Variants in AP3B1 observed in about 807,000 individuals in gnomAD.
AP3B1 encodes the protein AP-3 complex subunit beta-1.
AP3B1 carries 61 observed loss-of-function variants against 132.5 expected under a neutral mutation model. The observed-to-expected ratio is 0.46, with a 90% CI of 0.37 to 0.57. The LOEUF (loss-of-function observed/expected upper bound fraction) is 0.57. Among genes scored for constraint, AP3B1 ranks in the 20% least tolerant of loss-of-function variants. The pLI, the probability that AP3B1 is intolerant of heterozygous loss-of-function variation, is 0.00. For missense variants in AP3B1, 1,120 were observed against 1,289.4 expected (o/e 0.87, Z 2.01); for synonymous variants, 388 against 438.3 (o/e 0.89, Z 1.43).
chr5:78,170,694 C>T (rs1017225336), intron 11 of AP3B1, among the ~76,000 whole-genome samples: 3 of 152,206 alleles, frequency 2.0e-5, no homozygotes, highest in African/African-American at 7.2e-5. Flanking sequence ...CCTGTTCACT[C>T]TGAAGGAAGT....
chr5:78,172,184 A>G (rs1743947216), intron 11 of AP3B1, among the ~76,000 whole-genome samples: 1 of 152,190 alleles, frequency 6.6e-6, no homozygotes, highest in African/African-American at 2.4e-5. Context: ...CATCAAGGAT[A>G]CTGGTCTAAA....
intron 11 of AP3B1, among the ~76,000 whole-genome samples, chr5:78,174,253 G>A (rs1744049884): frequency 6.6e-6 from 1 of 152,186 alleles, no homozygotes; most frequent in African/African-American, 2.4e-5. Flanking sequence ...ATCCTTTGTA[G>A]GAGAAGAGGT....
At position 78,154,477 on chromosome 5, in the gene AP3B1, T is replaced by C. The variant is rs570195214; in HGVS notation, c.1473+1781A>G. Among the ~76,000 whole-genome samples the C allele has an allele frequency of 3.3e-5, 5 of 152,326 alleles. No homozygotes were observed. In the South Asian group the frequency reaches 1.0e-3, roughly 32 times the overall value. On this transcript the variant is annotated intron_variant, in intron 14 of 26. Coordinates refer to ENST00000255194, the MANE Select transcript of AP3B1 (RefSeq NM_003664.5). ...GTTCTATAACCTTCTTGTACTTCAA[T>C]GCTGACATCTTTCTCTAGGTTTGGG... is the stretch of plus-strand genomic sequence containing the variant.
Position 78,247,320 on chromosome 5 carries a change from G to C in AP3B1, c.205-6384C>G, listed in dbSNP as rs139813725. On this transcript the variant is annotated intron_variant, in intron 2 of 26. Transcript: ENST00000255194. ...ATAATATAGATAATAATAATAAAAA[G>C]AATGTATATTTCGCTACTGTTGAGT... is the stretch of plus-strand genomic sequence containing the variant. 3.3e-3 allele frequency among the ~76,000 whole-genome samples: 488 copies of C among 148,998 alleles called. 2 individuals are homozygous for C. The highest frequency in any genetic ancestry group is 0.011 in the African/African-American group (459 of 40,996).
At chr5:78,215,220 T>A (rs1471301622) in intron 7 of AP3B1, among the ~76,000 whole-genome samples, 1 of 151,882 alleles carries the variant, frequency 6.6e-6, no homozygotes, top group African/African-American at 2.4e-5. Context: ...TTTTTTTTTT[T>A]ACACAAATTG....
rs1746230747 is a variant in AP3B1 at position 78,002,592 on chromosome 5, T to C, written c.*310A>G. 5.2e-6 allele frequency: 3 copies of C among 573,962 alleles called. No individual in the cohort carries two copies. In the Admixed American group the frequency reaches 9.6e-5, roughly 18 times the overall value. 35.6% of individuals were successfully genotyped at this position (573,962 alleles called of 1,614,324 possible). On this transcript the variant is annotated 3_prime_UTR_variant, in exon 27 of 27. Transcript: ENST00000255194. The stretch of plus-strand genomic sequence containing the variant: ...TTAAATATCTCATTCATGTCTACCA[T>C]TGTCGAAAAAGAGAAGGAAAACGAG...
intron 22 of AP3B1, among the ~76,000 whole-genome samples, chr5:78,070,733 A>AC (rs1401000309): frequency 6.6e-6 from 1 of 151,880 alleles, no homozygotes; most frequent in East Asian, 1.9e-4. Context: ...AAAAAAAAAA[A>AC]CATTAAAAAG....
intron 21 of AP3B1, among the ~76,000 whole-genome samples, chr5:78,096,511 A>C (rs1238925036): frequency 3.2e-5 from 4 of 124,646 alleles, no homozygotes; most frequent in Admixed American, 8.3e-5. Context: ...CTGGCTGCCC[A>C]GTCTGGAAAG....
At chr5:78,184,503 G>A (rs1470128787) in intron 7 of AP3B1, among the ~76,000 whole-genome samples, 2 of 151,738 alleles carry the variant, frequency 1.3e-5, no homozygotes, top group Non-Finnish European at 1.5e-5. Flanking sequence ...TGGCTAACAC[G>A]GTGAAACCCC....
At chr5:78,031,464 C>T (rs2112086426) in intron 24 of AP3B1, among the ~76,000 whole-genome samples, 1 of 152,322 alleles carries the variant, frequency 6.6e-6, no homozygotes, top group South Asian at 2.1e-4. Context: ...CAAACTCAAA[C>T]CCTGCTCTGT....
At chr5:78,067,407 C>T (rs560315556) in intron 22 of AP3B1, among the ~76,000 whole-genome samples, 46 of 152,244 alleles carry the variant, frequency 3.0e-4, no homozygotes, top group East Asian at 1.9e-4. Context: ...AACTCAGCTC[C>T]GGATCAAGTG....
Position 78,156,400 on chromosome 5 carries a change from T to G in AP3B1, c.1364-33A>C, listed in dbSNP as rs528675375. The G allele has an allele frequency of 1.5e-4, 213 of 1,422,428 alleles. 2 individuals carry two copies. In the South Asian group the frequency reaches 2.3e-3, roughly 16 times the overall value. 88.1% of individuals were successfully genotyped at this position (1,422,428 alleles called of 1,614,324 possible). On this transcript the variant is annotated intron_variant, in intron 13 of 26. Coordinates refer to ENST00000255194, the MANE Select transcript of AP3B1 (RefSeq NM_003664.5). ...AGATAGAAATTATTCATACTAAATA[T>G]GTATAATTCAATTCAAATGCAATAT...
chr5:78,247,276 TATATAGATA>T (rs1323200572), intron 2 of AP3B1, among the ~76,000 whole-genome samples: 2 of 148,528 alleles, frequency 1.3e-5, no homozygotes, highest in Non-Finnish European at 3.0e-5. Flanking sequence ...ATAATTATAA[TATATAGATA>T]ATATAGATAA....
Position 78,177,434 on chromosome 5 carries a change from C to G in AP3B1, c.945G>C (p.Val315=), listed in dbSNP as rs1334933204. The G allele has an allele frequency of 3.7e-6, 6 of 1,611,318 alleles. No homozygotes were observed. The South Asian group carries it at 6.6e-5, about 18-fold the overall frequency. Residue 315 remains valine (V), a splice_region_variant and synonymous_variant, in exon 9 of 27, where the codon GTG becomes GTC. Transcript: ENST00000255194. ...AATACAGCTGAGCAACTGCCATAAC[C>G]ACCTACAAGATAAAGCATAAAAATA... ...KPLLQSRNAA[V]VMAVAQLYWH...
intron 1 of AP3B1, among the ~76,000 whole-genome samples, chr5:78,289,114 T>G (rs930836893): frequency 1.3e-5 from 2 of 152,158 alleles, no homozygotes; most frequent in Non-Finnish European, 2.9e-5. Context: ...TTTAAGAAAG[T>G]ATATTCAATA....
intron 11 of AP3B1, among the ~76,000 whole-genome samples, chr5:78,173,057 G>A (rs189577626): frequency 4.6e-5 from 7 of 152,296 alleles, no homozygotes; most frequent in African/African-American, 1.7e-4. Flanking sequence ...CAGTTTCCAC[G>A]CAGTTGTGCA....
chr5:78,066,769 C>A (rs1313483094), intron 22 of AP3B1, among the ~76,000 whole-genome samples: 1 of 152,126 alleles, frequency 6.6e-6, no homozygotes, highest in African/African-American at 2.4e-5. Context: ...GAAAACTTCC[C>A]CAGCCTAGCA....
chr5:78,014,252 T>C (rs902999801), intron 26 of AP3B1, among the ~76,000 whole-genome samples: 1 of 151,630 alleles, frequency 6.6e-6, no homozygotes, highest in Non-Finnish European at 1.5e-5. Flanking sequence ...TTTCAACTAG[T>C]ACATGCAGTT....
At chr5:78,190,311 T>G (rs938090221) in intron 7 of AP3B1, among the ~76,000 whole-genome samples, 1 of 152,166 alleles carries the variant, frequency 6.6e-6, no homozygotes, top group Admixed American at 6.5e-5. Flanking sequence ...GATCCGGCTC[T>G]CCCAGTTACT....
Sources: allele counts gnomAD v4.1 joint callset (sites outside exome capture counted in the v4.1 genomes callset), GRCh38; gene constraint gnomAD v4.1.1; transcripts MANE v1.5; gene names NCBI Gene and HGNC (gene_info 2026-07-23, HGNC 2026-07-21).